The following NCSTN variants were observed in gnomAD, a reference collection of about 807,000 sequenced individuals.
NCSTN encodes the protein nicastrin.
Under a neutral mutation model 87.0 loss-of-function variants are expected in NCSTN, and 22 were observed. The ratio of observed to expected loss-of-function variants is 0.25; its 90% CI spans 0.18 to 0.36. The LOEUF is 0.36. NCSTN is among the 10% of genes least tolerant of loss of function. The probability of loss-of-function intolerance (pLI) is 1.00; values close to 1 mark genes in which losing one functional copy is unlikely to be tolerated. For missense variants in NCSTN, 693 were observed against 883.3 expected (o/e 0.78, Z 2.73); for synonymous variants, 306 against 327.1 (o/e 0.94, Z 0.69).
rs915927753 is a variant in NCSTN at position 160,344,004 on chromosome 1, T to C, written c.85+523T>C. On this transcript the variant is annotated intron_variant, in intron 1 of 16. Transcript: ENST00000294785. ...TCAGTAAAGCAAGAATAAGGTAGGATATGGGTACTCTTAACTGTGAAGACC... is the reference window on the plus strand; with the variant it reads ...TCAGTAAAGCAAGAATAAGGTAGGACATGGGTACTCTTAACTGTGAAGACC... 2.4e-5 allele frequency: 6 copies of C among 255,166 alleles called. No individual in the cohort carries two copies. The East Asian group carries it at 6.9e-4, about 29-fold the overall frequency. 15.8% of individuals were successfully genotyped at this position (255,166 alleles called of 1,614,324 possible).
intron 4 of NCSTN, 25 bp downstream of exon 4, chr1:160,349,695 A>T: frequency 6.2e-7 from 1 of 1,612,722 alleles, no homozygotes; most frequent in Non-Finnish European, 8.5e-7. Context: ...GGATCAGGAG[A>T]GCCTACTGTC....
intron 16 of NCSTN, among the ~76,000 whole-genome samples, chr1:160,357,848 C>T (rs147567482): frequency 3.3e-5 from 5 of 152,302 alleles, no homozygotes; most frequent in Non-Finnish European, 5.9e-5. Flanking sequence ...ATGTACCGAG[C>T]TCCTGTCACA....
intron 2 of NCSTN, among the ~76,000 whole-genome samples, chr1:160,347,292 A>C (rs1648551642): frequency 6.6e-6 from 1 of 152,188 alleles, no homozygotes; most frequent in African/African-American, 2.4e-5. Flanking sequence ...TAACATGATA[A>C]AACTAAGGAG....
chr1:160,352,830 G>C, intron 8 of NCSTN, 57 bp from the exon 9 acceptor site: 1 of 1,397,838 alleles, frequency 7.2e-7, no homozygotes, highest in Non-Finnish European at 1.0e-6. Flanking sequence ...CCGCCTTCGA[G>C]GCTCTCCTAA....
chr1:160,356,604 C>T lies in NCSTN; in HGVS notation c.1644C>T (p.Asp548=), dbSNP rs201370901. The change falls in exon 15 of 17, where the codon GAC becomes GAT. Residue 548 remains aspartate (D), a synonymous_variant. Transcript: ENST00000294785. ...LRQDLRSYLG[D]GPLQHYIAVS... ...TTCCCTTTGGTCTGCACTCAGGTGA[C>T]GGGCCTCTTCAACATTACATCGCTG... is the stretch of plus-strand genomic sequence containing the variant. 1.4e-5 allele frequency: 23 copies of T among 1,614,092 alleles called. No homozygotes were observed. In the Admixed American group the frequency reaches 2.0e-4, roughly 14 times the overall value.
rs1320781570 is a variant in NCSTN, at chr1:160,357,356, T to C, written c.2007+103T>C. The C allele has an allele frequency of 3.3e-6, 4 of 1,223,686 alleles. No homozygotes were observed. The African/African-American group carries it at 6.0e-5, about 18-fold the overall frequency. The allele number at this position is 1,223,686 out of a possible 1,614,324, so 75.8% of individuals were successfully genotyped here. On this transcript the variant is annotated intron_variant, in intron 16 of 16. Transcript: ENST00000294785. ...CCATCTCCCATTTGCCCCACATTTG[T>C]AGCAAAAGCCTACTGCAAATCTGTC...
intron 4 of NCSTN, 42 bp downstream of exon 4, chr1:160,349,712 G>A: frequency 6.2e-7 from 1 of 1,611,186 alleles, no homozygotes; most frequent in Non-Finnish European, 8.5e-7. Context: ...TGTCACCTAA[G>A]GCTCACTGTT....
chr1:160,343,608 T>A, intron 1 of NCSTN, 127 bp downstream of exon 1: 1 of 929,250 alleles, frequency 1.1e-6, no homozygotes, highest in Non-Finnish European at 1.7e-6. Context: ...AAATCCTCTT[T>A]CTTTTTCGTT....
chr1:160,355,824 G>A (rs199690794), intron 12 of NCSTN, 39 bp from the exon 13 acceptor site: 53 of 1,604,520 alleles, frequency 3.3e-5, no homozygotes, highest in Middle Eastern at 3.3e-4. Context: ...TTGAGGATAG[G>A]AGAGGTGGGC....
chr1:160,349,157 A>G (rs763643334), intron 3 of NCSTN, 35 bp downstream of exon 3: 3 of 1,612,978 alleles, frequency 1.9e-6, no homozygotes, highest in African/African-American at 2.7e-5. Flanking sequence ...GAAAACATCC[A>G]TAGAGGGAAA....
At position 160,352,200 on chromosome 1, in the gene NCSTN, TC is replaced by T; in HGVS notation, c.991del (p.Gln331LysfsTer26). On this transcript the variant is annotated frameshift_variant, in exon 8 of 17. Coordinates refer to ENST00000294785, the MANE Select transcript of NCSTN (RefSeq NM_015331.3). LOFTEE classifies it high-confidence loss of function. ...CCCGCAATGTCATGTTTGTCTTCTT[TC>T]AAGGGGTAAGGGCTCTTTGGCTGGG... ...LPRNVMFVFF[Q>X]GETFDYIGSS... 6.2e-7 allele frequency: 1 copy of T among 1,614,090 alleles called. No individual in the cohort carries two copies. Among genetic ancestry groups the T allele is most frequent in the Non-Finnish European group, 8.5e-7 (1 of 1,179,952 alleles).
intron 2 of NCSTN, 55 bp from the exon 3 acceptor site, chr1:160,348,944 A>G (rs1463473914): frequency 1.9e-6 from 3 of 1,613,050 alleles, no homozygotes; most frequent in Non-Finnish European, 2.5e-6. Flanking sequence ...TCAGTGAGGC[A>G]AAGTCAGAAT....
At position 160,351,804 on chromosome 1, in the gene NCSTN, G is replaced by A. The variant is rs780645547; in HGVS notation, c.842G>A (p.Arg281Gln). Residue 281 changes from arginine (R) to glutamine (Q), a missense_variant and splice_region_variant, in exon 7 of 17, where the codon CGG becomes CAG. Physicochemically the swap from Arg to Gln is conservative, Grantham distance 43 (BLOSUM62 1). Transcript: ENST00000294785. ...PDDRVVVAAT[R>Q]LDSRSFFWNV... ...GACAGGGTTGTGGTTGCTGCCACCC[G>A]GGTGAGTGTTGGCTTCTGATCAGGA... 8.9e-5 allele frequency: 143 copies of A among 1,601,124 alleles called. 1 individual carries two copies. The highest frequency in any genetic ancestry group is 8.0e-4 in the South Asian group (73 of 90,814).
intron 2 of NCSTN, 46 bp from the exon 3 acceptor site, chr1:160,348,953 A>G (rs746160304): frequency 2.5e-6 from 4 of 1,613,678 alleles, no homozygotes; most frequent in South Asian, 2.2e-5. Context: ...CAAAGTCAGA[A>G]TTGTTAACTA....
chr1:160,346,472 C>G (rs1034897994), intron 2 of NCSTN, among the ~76,000 whole-genome samples: 2 of 152,162 alleles, frequency 1.3e-5, no homozygotes, highest in African/African-American at 4.8e-5. Context: ...TTCGTGGAAG[C>G]AGTTACTACT....
At chr1:160,347,834 T>G (rs1409442954) in intron 2 of NCSTN, among the ~76,000 whole-genome samples, 1 of 152,246 alleles carries the variant, frequency 6.6e-6, no homozygotes, top group Non-Finnish European at 1.5e-5. Flanking sequence ...GGTCTCAAAC[T>G]CCTGACCTCA....
rs775245029 is a variant in NCSTN, at chr1:160,356,353, C to T, written c.1639+6C>T. On this transcript the variant is annotated splice_donor_region_variant and intron_variant, in intron 14 of 16. Transcript: ENST00000294785. ...GGACCTAAGGTCCTACTTGGGTAAG[C>T]ATCTGGTGTGGGAATGGGACCCTTA... is the stretch of plus-strand genomic sequence containing the variant. 7 of 1,599,426 alleles carry T rather than the reference C, an allele frequency of 4.4e-6. No individual in the cohort carries two copies. The South Asian group carries it at 6.6e-5, about 15-fold the overall frequency.
chr1:160,347,522 A>G (rs929182796), intron 2 of NCSTN, among the ~76,000 whole-genome samples: 3 of 152,124 alleles, frequency 2.0e-5, no homozygotes, highest in Non-Finnish European at 4.4e-5. Context: ...AGACTACACC[A>G]TTACTAGTTG....
intron 4 of NCSTN, 26 bp downstream of exon 4, chr1:160,349,696 G>A: frequency 6.2e-7 from 1 of 1,612,774 alleles, no homozygotes; most frequent in South Asian, 1.1e-5. Flanking sequence ...GATCAGGAGA[G>A]CCTACTGTCA....
Sources: allele counts gnomAD v4.1 joint callset (sites outside exome capture counted in the v4.1 genomes callset), GRCh38; gene constraint gnomAD v4.1.1; transcripts MANE v1.5; gene names NCBI Gene and HGNC (gene_info 2026-07-23, HGNC 2026-07-21).